The following UBE2E1 variants were observed in gnomAD, a reference collection of about 807,000 sequenced individuals.
UBE2E1 encodes ubiquitin-conjugating enzyme E2 E1.
UBE2E1 carries 6 observed loss-of-function variants against 21.4 expected under a neutral mutation model. That is an observed-to-expected ratio of 0.28 (90% CI 0.15 to 0.55). UBE2E1 has a LOEUF of 0.55. Among genes scored for constraint, UBE2E1 ranks in the 20% least tolerant of loss-of-function variants. The pLI is 0.93. For missense variants in UBE2E1, 142 were observed against 236.5 expected (o/e 0.60, Z 2.62); for synonymous variants, 87 against 82.7 (o/e 1.05, Z -0.28).
chr3:23,841,192 A>G (rs558117675), intron 3 of UBE2E1, among the ~76,000 whole-genome samples: 1 of 152,356 alleles, frequency 6.6e-6, no homozygotes, highest in African/African-American at 2.4e-5. Context: ...TCTTTACATC[A>G]TGAGCGAGGA....
intron 3 of UBE2E1, among the ~76,000 whole-genome samples, chr3:23,852,960 A>G (rs1223624354): frequency 1.3e-5 from 2 of 150,038 alleles, no homozygotes; most frequent in South Asian, 2.1e-4. Flanking sequence ...CTTGTTACCC[A>G]GGCTGGAATG....
intron 1 of UBE2E1, chr3:23,807,020 C>G (rs1699291887): frequency 1.2e-5 from 5 of 401,000 alleles, no homozygotes; most frequent in East Asian, 1.2e-4. Context: ...TAGCTCCAGA[C>G]CGTTTTCCCA....
At chr3:23,837,802 T>C (rs999125699) in intron 3 of UBE2E1, among the ~76,000 whole-genome samples, 1 of 152,222 alleles carries the variant, frequency 6.6e-6, no homozygotes, top group African/African-American at 2.4e-5. Context: ...GAGGAACTTT[T>C]GGCATGTGGA....
chr3:23,843,502 A>C (rs1224634315), intron 3 of UBE2E1, among the ~76,000 whole-genome samples: 1 of 152,208 alleles, frequency 6.6e-6, no homozygotes, highest in Admixed American at 6.5e-5. Context: ...GCATTTGAAC[A>C]CACAATTAAG....
Position 23,842,250 on chromosome 3 carries a change from G to GTGGTGGTGT in UBE2E1, c.203+30742_203+30743insGTGGTGTTG, listed in dbSNP as rs1553637747. Among the ~76,000 whole-genome samples the GTGGTGGTGT allele has an allele frequency of 3.5e-5, 3 of 86,288 alleles. No homozygotes were observed. The highest frequency in any genetic ancestry group is 6.9e-5 in the Non-Finnish European group (3 of 43,230). The allele number at this position is 86,288 out of a possible 152,430, so 56.6% of individuals were successfully genotyped here. ...GTGTGTGTGTGTGTGTGTGTGTGTGGTGTTGTTGTTGTTGGCGACAGGGTC... is the reference window on the plus strand; with the variant it reads ...GTGTGTGTGTGTGTGTGTGTGTGTGGTGGTGGTGTTGTTGTTGTTGTTGGCGACAGGGTC... On this transcript the variant is annotated intron_variant, in intron 3 of 5. Coordinates refer to ENST00000306627, the MANE Select transcript of UBE2E1 (RefSeq NM_003341.5). This position sits in a 1 kb window ranked among gnomAD's most constrained non-coding sequence, Gnocchi z 4.6.
intron 4 of UBE2E1, chr3:23,888,296 C>CAATCT: frequency 2.2e-6 from 1 of 456,944 alleles, no homozygotes; most frequent in South Asian, 1.5e-5. Context: ...CTCCTGTACT[C>CAATCT]AATCTATGAT....
At chr3:23,881,879 G>A (rs1001273122) in intron 3 of UBE2E1, among the ~76,000 whole-genome samples, 1 of 152,198 alleles carries the variant, frequency 6.6e-6, no homozygotes, top group Non-Finnish European at 1.5e-5. Flanking sequence ...CTTCAGGAGT[G>A]AAGCTGCAGA....
In UBE2E1 at chr3:23,853,169, A is replaced by T. The variant is rs549739029; in HGVS notation, c.204-34398A>T. Among the ~76,000 whole-genome samples, 1 of 152,214 alleles carries T rather than the reference A, an allele frequency of 6.6e-6. No homozygotes were observed. The highest frequency in any genetic ancestry group is 1.5e-5 in the Non-Finnish European group (1 of 68,032). On this transcript the variant is annotated intron_variant, in intron 3 of 5. Transcript: ENST00000306627. This position sits in a 1 kb window ranked among gnomAD's most constrained non-coding sequence, Gnocchi z 4.1. ...TGGCCTCCCAGAGTGCTGGGATTAC[A>T]GGCGTGAGCCACCGCGCCCAGCTGC...
In UBE2E1 at chr3:23,887,470, A is replaced by C; in HGVS notation, c.204-97A>C. 6.9e-7 allele frequency: 1 copy of C among 1,458,668 alleles called. No individual in the cohort carries two copies. Among genetic ancestry groups the C allele is most frequent in the Non-Finnish European group, 9.1e-7 (1 of 1,099,484 alleles). 90.4% of individuals were successfully genotyped at this position (1,458,668 alleles called of 1,614,324 possible). ...GTAAAGAGAATCCACACAGTAAACA[A>C]AAGAGAGGAGAGAGGTAATCTTTCC... On this transcript the variant is annotated intron_variant, in intron 3 of 5. Transcript: ENST00000306627. This position sits in a 1 kb window ranked among gnomAD's most constrained non-coding sequence, Gnocchi z 4.4.
Position 23,806,055 on chromosome 3 carries a change from C to A in UBE2E1, c.-67C>A. The A allele has an allele frequency of 6.6e-6, 1 of 152,108 alleles. No homozygotes were observed. Among genetic ancestry groups the A allele is most frequent in the South Asian group, 1.9e-4 (1 of 5,156 alleles). 9.4% of individuals were successfully genotyped at this position (152,108 alleles called of 1,614,324 possible). A position where few individuals can be genotyped will look rare whatever the true frequency, so the allele number is the denominator to read the frequency against. ...CAGCCGCAGCCGCAGCAGCAGCCGC[C>A]GCGGCGGCACGGAGGAGCCAGACAC... On this transcript the variant is annotated 5_prime_UTR_variant, in exon 1 of 6. Transcript: ENST00000306627. The surrounding 1 kb of genome is among the most constrained non-coding windows in gnomAD (Gnocchi z 6.5).
At chr3:23,880,498 T>C (rs1227848713) in intron 3 of UBE2E1, among the ~76,000 whole-genome samples, 1 of 152,160 alleles carries the variant, frequency 6.6e-6, no homozygotes, top group Non-Finnish European at 1.5e-5. Flanking sequence ...GCCCAGGAAG[T>C]CAAGGCTACT....
rs71057628 is a variant in UBE2E1 at position 23,850,837 on chromosome 3, C to CTTTTTTTT, written c.204-36714_204-36707dup. Reference sequence around the variant, plus strand: ...TACAGATGTGCGCCACCACACCCAGCTTTTTTTTTTTTTTTTTTTTTTTAA... The same window carrying CTTTTTTTT: ...TACAGATGTGCGCCACCACACCCAGCTTTTTTTTTTTTTTTTTTTTTTTTTTTTTTTAA... On this transcript the variant is annotated intron_variant, in intron 3 of 5. Coordinates refer to ENST00000306627, the MANE Select transcript of UBE2E1 (RefSeq NM_003341.5). 4.6e-3 allele frequency among the ~76,000 whole-genome samples: 584 copies of CTTTTTTTT among 128,318 alleles called. 8 individuals are homozygous for CTTTTTTTT. Among genetic ancestry groups the CTTTTTTTT allele is most frequent in the African/African-American group, 0.016 (557 of 34,750 alleles). 84.2% of individuals were successfully genotyped at this position (128,318 alleles called of 152,430 possible).
At chr3:23,812,801 T>G (rs1283208870) in intron 3 of UBE2E1, among the ~76,000 whole-genome samples, 2 of 152,184 alleles carry the variant, frequency 1.3e-5, no homozygotes, top group Non-Finnish European at 2.9e-5. Flanking sequence ...CCCTTGGTTG[T>G]TTGTGTGGAA....
chr3:23,829,281 C>A (rs1242430173), intron 3 of UBE2E1, among the ~76,000 whole-genome samples: 4 of 151,224 alleles, frequency 2.6e-5, no homozygotes, highest in African/African-American at 7.3e-5. Flanking sequence ...CCACCTCAGC[C>A]TCCTAAGTAG....
Position 23,887,431 on chromosome 3 carries a change from TC to T in UBE2E1, c.204-135del. 7 of 1,229,864 alleles carry T rather than the reference TC, an allele frequency of 5.7e-6. No individual in the cohort carries two copies. Among genetic ancestry groups the T allele is most frequent in the Non-Finnish European group, 7.6e-6 (7 of 917,702 alleles). The allele number at this position is 1,229,864 out of a possible 1,614,324, so 76.2% of individuals were successfully genotyped here. A position where few individuals can be genotyped will look rare whatever the true frequency, so the allele number is the denominator to read the frequency against. On this transcript the variant is annotated intron_variant, in intron 3 of 5. Transcript: ENST00000306627. This position sits in a 1 kb window ranked among gnomAD's most constrained non-coding sequence, Gnocchi z 4.4. ...GGTTTGTTGCAGTTCTGCATCCGTT[TC>T]TGTACTTGTTTTGTAAAGAGAATCC...
chr3:23,865,595 C>T (rs1392130013), intron 3 of UBE2E1, among the ~76,000 whole-genome samples: 2 of 152,206 alleles, frequency 1.3e-5, no homozygotes, highest in Non-Finnish European at 2.9e-5. Context: ...CTCAAGCAGT[C>T]TGCCTGCCTC....
At chr3:23,867,335 G>A (rs1434759811) in intron 3 of UBE2E1, among the ~76,000 whole-genome samples, 2 of 152,168 alleles carry the variant, frequency 1.3e-5, no homozygotes, top group African/African-American at 4.8e-5. Flanking sequence ...TACTTTAGAT[G>A]TACAAATAGT....
rs889534154 is a variant in UBE2E1 at position 23,806,500 on chromosome 3, G to C, written c.-34+412G>C. Among the ~76,000 whole-genome samples, 2 of 151,698 alleles carry C rather than the reference G, an allele frequency of 1.3e-5. No homozygotes were observed. The highest frequency in any genetic ancestry group is 2.9e-5 in the Non-Finnish European group (2 of 67,808). On this transcript the variant is annotated intron_variant, in intron 1 of 5. Transcript: ENST00000306627. The surrounding 1 kb of genome is among the most constrained non-coding windows in gnomAD (Gnocchi z 6.5). ...GGGCTCATTGTTATGTCTTCGCTGCGGAGGCCGACCCCCCCATTCCCCGCC... is the reference window on the plus strand; with the variant it reads ...GGGCTCATTGTTATGTCTTCGCTGCCGAGGCCGACCCCCCCATTCCCCGCC...
In UBE2E1 at chr3:23,836,185, T is replaced by C. The variant is rs1379030678; in HGVS notation, c.203+24675T>C. The stretch of plus-strand genomic sequence containing the variant: ...CATTTTAAAAAGCCTTGTGAATAAA[T>C]CTTTACAAGAGAGTTTTTATAACTA... On this transcript the variant is annotated intron_variant, in intron 3 of 5. Coordinates refer to ENST00000306627, the MANE Select transcript of UBE2E1 (RefSeq NM_003341.5). This position sits in a 1 kb window ranked among gnomAD's most constrained non-coding sequence, Gnocchi z 4.1. 6.6e-6 allele frequency among the ~76,000 whole-genome samples: 1 copy of C among 152,236 alleles called. No individual in the cohort carries two copies. Among genetic ancestry groups the C allele is most frequent in the Non-Finnish European group, 1.5e-5 (1 of 68,036 alleles).
Sources: allele counts gnomAD v4.1 joint callset (sites outside exome capture counted in the v4.1 genomes callset), GRCh38; gene constraint gnomAD v4.1.1; non-coding constraint Gnocchi (gnomAD v3.1); transcripts MANE v1.5; gene names NCBI Gene and HGNC (gene_info 2026-07-23, HGNC 2026-07-21).